Variants in AFF3 observed in about 807,000 individuals in gnomAD.
The protein encoded by AFF3 is ALF transcription elongation factor 3.
Under a neutral mutation model 129.7 loss-of-function variants are expected in AFF3, and 32 were observed. That is an observed-to-expected ratio of 0.25 (90% CI 0.19 to 0.33). The LOEUF is 0.33. Ranked by LOEUF, AFF3 falls within the 10% of genes least tolerant of loss-of-function variation. The pLI is 1.00. For missense variants in AFF3, 1,373 were observed against 1,592.0 expected (o/e 0.86, Z 2.34); for synonymous variants, 644 against 635.4 (o/e 1.01, Z -0.20).
intron 4 of AFF3, among the ~76,000 whole-genome samples, chr2:100,045,268 G>A (rs920329294): frequency 3.9e-5 from 6 of 152,122 alleles, no homozygotes; most frequent in African/African-American, 9.7e-5. Context: ...GCTGAGTGCC[G>A]CAGTTACTAC....
At chr2:99,877,356 G>T (rs1276511711) in intron 7 of AFF3, among the ~76,000 whole-genome samples, 1 of 152,166 alleles carries the variant, frequency 6.6e-6, no homozygotes, top group East Asian at 1.9e-4. Flanking sequence ...GGATGCCAGG[G>T]GGCCTTCAGG....
chr2:99,774,289 T>C (rs747875337), intron 8 of AFF3, among the ~76,000 whole-genome samples: 1 of 152,028 alleles, frequency 6.6e-6, no homozygotes, highest in Non-Finnish European at 1.5e-5. Context: ...GCAATCCTAA[T>C]CCTAAGCAAA....
intron 13 of AFF3, among the ~76,000 whole-genome samples, chr2:99,628,044 T>C (rs1045348051): frequency 3.7e-4 from 56 of 152,202 alleles, no homozygotes; most frequent in African/African-American, 1.3e-3. Context: ...CCTTGGCTAC[T>C]AGGGCTCTTT....
At chr2:100,048,478 A>T (rs1686020110) in intron 4 of AFF3, among the ~76,000 whole-genome samples, 2 of 152,210 alleles carry the variant, frequency 1.3e-5, no homozygotes, top group Non-Finnish European at 2.9e-5. Flanking sequence ...TTTATTTCCT[A>T]GTCTAGTTTT....
chr2:99,844,090 T>C (rs1270967768), intron 7 of AFF3, among the ~76,000 whole-genome samples: 2 of 151,984 alleles, frequency 1.3e-5, no homozygotes, highest in African/African-American at 2.4e-5. Flanking sequence ...AAAAAACTTC[T>C]GCGTTTTACT....
chr2:99,805,511 T>TA (rs1252685798), intron 8 of AFF3, among the ~76,000 whole-genome samples: 7 of 152,200 alleles, frequency 4.6e-5, no homozygotes, highest in African/African-American at 7.2e-5. Flanking sequence ...TTTCAAAACT[T>TA]AAAAAAATCT....
chr2:99,945,761 A>AT (rs1386917236), intron 7 of AFF3, among the ~76,000 whole-genome samples: 2 of 152,174 alleles, frequency 1.3e-5, no homozygotes, highest in African/African-American at 2.4e-5. Flanking sequence ...GAGATGGATA[A>AT]TTGATATAGA....
chr2:99,643,710 C>T (rs1684431343), intron 13 of AFF3, among the ~76,000 whole-genome samples: 1 of 152,170 alleles, frequency 6.6e-6, no homozygotes, highest in Non-Finnish European at 1.5e-5. Flanking sequence ...ATCCAACCCC[C>T]TACACTGCCA....
chr2:99,611,379 T>C (rs552037231), intron 13 of AFF3, among the ~76,000 whole-genome samples: 3 of 152,320 alleles, frequency 2.0e-5, no homozygotes, highest in African/African-American at 7.2e-5. Flanking sequence ...TTCTATTGTA[T>C]TCTGAGCGTT....
chr2:99,827,096 T>C (rs887639571), intron 8 of AFF3, among the ~76,000 whole-genome samples: 1 of 151,818 alleles, frequency 6.6e-6, no homozygotes, highest in African/African-American at 2.4e-5. Context: ...GTGAGATGAG[T>C]TAAGGTGCAG....
intron 4 of AFF3, among the ~76,000 whole-genome samples, chr2:100,062,709 G>A (rs956197980): frequency 6.6e-6 from 1 of 152,148 alleles, no homozygotes; most frequent in East Asian, 1.9e-4. Flanking sequence ...TCTGAGAAAA[G>A]CATCCTTGAC....
chr2:99,913,383 A>G (rs1330115409), intron 7 of AFF3, among the ~76,000 whole-genome samples: 2 of 152,194 alleles, frequency 1.3e-5, no homozygotes, highest in Non-Finnish European at 2.9e-5. Context: ...GGAACACTAG[A>G]ATAAACCTGT....
At chr2:100,023,740 G>A (rs2104891829) in intron 4 of AFF3, among the ~76,000 whole-genome samples, 1 of 152,198 alleles carries the variant, frequency 6.6e-6, no homozygotes, top group African/African-American at 2.4e-5. Flanking sequence ...CATACATTGT[G>A]ATCAGTGGTT....
At chr2:99,987,674 C>T (rs1679988927) in intron 7 of AFF3, among the ~76,000 whole-genome samples, 1 of 152,206 alleles carries the variant, frequency 6.6e-6, no homozygotes, top group African/African-American at 2.4e-5. Context: ...TTCATTCTTA[C>T]AGTGTGTACA....
intron 13 of AFF3, among the ~76,000 whole-genome samples, chr2:99,632,454 A>C (rs778702034): frequency 2.0e-4 from 31 of 152,138 alleles, no homozygotes; most frequent in Non-Finnish European, 3.2e-4. Context: ...CACCACCTGT[A>C]ATTATACAGA....
chr2:99,772,213 G>A lies in AFF3; in HGVS notation c.922-19912C>T, dbSNP rs750470437. 4.6e-5 allele frequency among the ~76,000 whole-genome samples: 7 copies of A among 152,278 alleles called. No homozygotes were observed. The South Asian group carries it at 1.0e-3, about 23-fold the overall frequency. On this transcript the variant is annotated intron_variant, in intron 8 of 24. Transcript: ENST00000672756. ...AAAAGAGTGACGATGAGCCCCGGGCGAGGTGGCAGGGGCCTGAGAGGCAGG... is the reference window on the plus strand; with the variant it reads ...AAAAGAGTGACGATGAGCCCCGGGCAAGGTGGCAGGGGCCTGAGAGGCAGG...
intron 13 of AFF3, among the ~76,000 whole-genome samples, chr2:99,634,583 C>T (rs1020282635): frequency 3.3e-5 from 5 of 152,094 alleles, no homozygotes; most frequent in Non-Finnish European, 5.9e-5. Context: ...CAAAATTTGT[C>T]CTTCATTTTC....
chr2:99,966,971 AT>A (rs1677843914), intron 7 of AFF3, among the ~76,000 whole-genome samples: 1 of 152,124 alleles, frequency 6.6e-6, no homozygotes, highest in Non-Finnish European at 1.5e-5. Flanking sequence ...CTTCATGAAA[AT>A]TAATTCATGC....
intron 7 of AFF3, among the ~76,000 whole-genome samples, chr2:99,937,133 C>A (rs1171765913): frequency 6.6e-6 from 1 of 152,020 alleles, no homozygotes; most frequent in Non-Finnish European, 1.5e-5. Context: ...TATAGAATAC[C>A]GGTTGAGCAT....
Sources: gnomAD v4.1 joint callset for allele counts (sites outside exome capture counted in the v4.1 genomes callset) on GRCh38, gnomAD v4.1.1 for gene constraint, MANE v1.5 for transcripts, NCBI Gene and HGNC (gene_info 2026-07-23, HGNC 2026-07-21) for gene names.